ARMC12: variants seen among roughly 807,000 people sequenced by gnomAD.
The protein encoded by ARMC12 is armadillo repeat containing 12.
A neutral mutation model predicts 37.4 loss-of-function variants in ARMC12; 25 were observed. The observed-to-expected ratio is 0.67, with a 90% CI of 0.49 to 0.93. The LOEUF (loss-of-function observed/expected upper bound fraction) is 0.93. ARMC12 is among the 40% of genes least tolerant of loss of function. The pLI, the probability that ARMC12 is intolerant of heterozygous loss-of-function variation, is 0.00. For synonymous variants in ARMC12, 167 were observed against 176.1 expected, an observed-to-expected ratio of 0.95 and a Z score of 0.41; for missense variants, 384 against 426.6, an observed-to-expected ratio of 0.90 and a Z score of 0.88.
intron 2 of ARMC12, 104 bp from the exon 3 acceptor site, chr6:35,738,280 T>C: frequency 7.1e-6 from 4 of 559,810 alleles, no homozygotes; most frequent in Non-Finnish European, 1.0e-5. Context: ...CTCTGGCTGA[T>C]AGCGGTGGGG....
Position 35,738,156 on chromosome 6 carries a change from A to G in ARMC12, c.293A>G (p.Tyr98Cys). The change falls in exon 2 of 6, where the codon TAC becomes TGC. Residue 98 changes from tyrosine (Y) to cysteine (C), a missense_variant. Coordinates refer to ENST00000373866, the MANE Select transcript of ARMC12 (RefSeq NM_001286574.2). ...MILHSITRCV[Y>C]LLEAEASACT... The stretch of plus-strand genomic sequence containing the variant: ...CTGCACAGTATCACTCGCTGTGTGT[A>G]CTTGCTGGAGGCTGAGGTAAGGGAA... The G allele has an allele frequency of 6.2e-7, 1 of 1,612,742 alleles. No homozygotes were observed. Among genetic ancestry groups the G allele is most frequent in the Non-Finnish European group, 8.5e-7 (1 of 1,179,332 alleles).
chr6:35,741,474 G>C (rs553452274), intron 3 of ARMC12, among the ~76,000 whole-genome samples: 15 of 151,850 alleles, frequency 9.9e-5, no homozygotes, highest in Non-Finnish European at 1.6e-4. Context: ...GAGTGCAGTG[G>C]CACGATCTCG....
chr6:35,747,361 A>G lies in ARMC12; in HGVS notation c.545A>G (p.Tyr182Cys), dbSNP rs754367365. 3.8e-5 allele frequency: 62 copies of G among 1,614,140 alleles called. No individual in the cohort carries two copies. The highest frequency in any genetic ancestry group is 5.0e-5 in the Non-Finnish European group (59 of 1,180,022). Residue 182 changes from tyrosine (Y) to cysteine (C), a missense_variant, in exon 4 of 6, where the codon TAT (tyrosine) becomes TGT (cysteine). Transcript: ENST00000373866. Reference protein sequence around the residue: ...RLLNNLPLPDYVHPQLRRVMP... With the variant: ...RLLNNLPLPDCVHPQLRRVMP... The stretch of plus-strand genomic sequence containing the variant: ...CTCAACAACCTTCCACTGCCCGACT[A>G]TGTGCATCCACAGCTGCGACGGGTG...
chr6:35,746,838 G>A (rs1229863356), intron 3 of ARMC12, among the ~76,000 whole-genome samples: 3 of 152,160 alleles, frequency 2.0e-5, no homozygotes, highest in Non-Finnish European at 4.4e-5. Context: ...TGTTAACTCT[G>A]AGAGCTCTAT....
chr6:35,737,773 G>A (rs923633591), intron 1 of ARMC12, among the ~76,000 whole-genome samples: 4 of 152,176 alleles, frequency 2.6e-5, no homozygotes, highest in African/African-American at 7.2e-5. Context: ...ACTTGTTACC[G>A]CCATATGCCA....
chr6:35,744,538 C>T (rs1767278749), intron 3 of ARMC12, among the ~76,000 whole-genome samples: 3 of 151,918 alleles, frequency 2.0e-5, no homozygotes, highest in Admixed American at 1.3e-4. Context: ...TGGGGGATCA[C>T]GAGGTCAGGG....
intron 3 of ARMC12, among the ~76,000 whole-genome samples, chr6:35,743,312 G>C (rs914840861): frequency 6.6e-6 from 1 of 152,046 alleles, no homozygotes; most frequent in Non-Finnish European, 1.5e-5. Context: ...CGCCTCCCGG[G>C]TTCAAGTGAT....
chr6:35,732,760 G>A (rs959569766), upstream of ARMC12, among the ~76,000 whole-genome samples: 2 of 152,214 alleles, frequency 1.3e-5, no homozygotes, highest in Non-Finnish European at 2.9e-5. Context: ...ACACAGTTTA[G>A]GGGAATGTGT....
At position 35,738,047 on chromosome 6, in the gene ARMC12, C is replaced by T. The variant is rs778674760; in HGVS notation, c.184C>T (p.Arg62Trp). Residue 62 changes from arginine to tryptophan, a missense_variant, in exon 2 of 6, where the codon CGG becomes TGG. Physicochemically the swap from Arg to Trp is moderately radical, Grantham distance 101. Coordinates refer to ENST00000373866, the MANE Select transcript of ARMC12 (RefSeq NM_001286574.2). ...CIARLAVERE[R>W]HGRDSGELRR... ...TCTAGGCCTGGCAGTCGAGCGAGAG[C>T]GGCACGGGCGGGACTCAGGTGAGCT... 94 of 1,613,518 alleles carry T rather than the reference C, an allele frequency of 5.8e-5. 2 individuals are homozygous for T. In the South Asian group the frequency reaches 6.6e-4, roughly 11 times the overall value.
At chr6:35,738,294 G>GGTGT in intron 2 of ARMC12, 90 bp from the exon 3 acceptor site, 1 of 1,429,924 alleles carries the variant, frequency 7.0e-7, no homozygotes, top group Non-Finnish European at 9.4e-7. Context: ...GGTGGGGGGG[G>GGTGT]GGTGTGCGGA....
Position 35,747,248 on chromosome 6 carries a change from T to C in ARMC12, c.445-13T>C, listed in dbSNP as rs752487599. The C allele has an allele frequency of 6.2e-7, 1 of 1,606,408 alleles. No individual in the cohort carries two copies. Among genetic ancestry groups the C allele is most frequent in the Non-Finnish European group, 8.5e-7 (1 of 1,176,016 alleles). On this transcript the variant is annotated splice_polypyrimidine_tract_variant and intron_variant, in intron 3 of 5. Transcript: ENST00000373866. ...CCTGTAAAAGTAAGCCCTTTTGTTC[T>C]CCCCCACTCCAGGAACACTCCATCA...
chr6:35,735,765 G>A (rs1437429434), upstream of ARMC12: 2 of 152,194 alleles, frequency 1.3e-5, no homozygotes, highest in East Asian at 3.9e-4. This position sits in a 1 kb window ranked among gnomAD's most constrained non-coding sequence, Gnocchi z 4.0. Context: ...GGTCTCACCT[G>A]CCCCATCCTA....
At chr6:35,740,680 G>A (rs1767136232) in intron 3 of ARMC12, among the ~76,000 whole-genome samples, 1 of 152,122 alleles carries the variant, frequency 6.6e-6, no homozygotes, top group Non-Finnish European at 1.5e-5. Context: ...CCTGCATTTT[G>A]TTTAGCAGTT....
chr6:35,739,782 C>T (rs551634156), intron 3 of ARMC12, among the ~76,000 whole-genome samples: 228 of 152,324 alleles, frequency 1.5e-3, no homozygotes, highest in Admixed American at 6.0e-3. Flanking sequence ...GAGTGCCCTG[C>T]TGTTCCCAGC....
intron 3 of ARMC12, among the ~76,000 whole-genome samples, chr6:35,743,406 T>G (rs535698126): frequency 1.2e-3 from 177 of 152,204 alleles, no homozygotes; most frequent in African/African-American, 4.1e-3. Context: ...GTAGTGGAGA[T>G]GGGGTTTCTC....
chr6:35,743,139 A>G (rs1175920265), intron 3 of ARMC12, among the ~76,000 whole-genome samples: 1 of 151,436 alleles, frequency 6.6e-6, no homozygotes, highest in Admixed American at 6.6e-5. Context: ...ACTCTTGCTT[A>G]CTTCTTACAT....
At chr6:35,734,810 G>T (rs150896580), upstream of ARMC12, among the ~76,000 whole-genome samples, 6 of 129,424 alleles carry the variant, frequency 4.6e-5, no homozygotes, top group Admixed American at 2.3e-4. Context: ...TCAAAAAAAA[G>T]AAAAAAAAAA....
At chr6:35,734,178 G>C (rs1397029299), upstream of ARMC12, among the ~76,000 whole-genome samples, 1 of 152,090 alleles carries the variant, frequency 6.6e-6, no homozygotes. Context: ...CTGTTTCTTT[G>C]AGACAGGGTC....
rs756110834 is a variant in ARMC12 at position 35,738,385 on chromosome 6, C to T, written c.311C>T (p.Ala104Val). ...TRCVYLLEAEASACTTDDIVL... is the reference protein window; with the variant it reads ...TRCVYLLEAEVSACTTDDIVL... ...TTCCATCTCTCCCCAATACTCCAGG[C>T]CTCTGCTTGTACTACGGATGACATC... The change falls in exon 3 of 6, where the codon GCC (alanine) becomes GTC (valine). Residue 104 changes from alanine to valine, a missense_variant and splice_region_variant. Coordinates refer to ENST00000373866, the MANE Select transcript of ARMC12 (RefSeq NM_001286574.2). 1.7e-5 allele frequency: 27 copies of T among 1,613,406 alleles called. No individual in the cohort carries two copies. The highest frequency in any genetic ancestry group is 1.6e-4 in the Middle Eastern group (1 of 6,082).
Sources: allele counts gnomAD v4.1 joint callset (sites outside exome capture counted in the v4.1 genomes callset), GRCh38; gene constraint gnomAD v4.1.1; non-coding constraint Gnocchi (gnomAD v3.1); transcripts MANE v1.5; gene names NCBI Gene and HGNC (gene_info 2026-07-23, HGNC 2026-07-21).